Variants in SELP observed in about 807,000 individuals in gnomAD.
SELP encodes the protein P-selectin.
In SELP, 92 loss-of-function variants were observed where a neutral mutation model predicts 104.1. That is an observed-to-expected ratio of 0.88 (90% CI 0.75 to 1.05). SELP has a LOEUF of 1.05. SELP is among the 50% of genes least tolerant of loss of function. The pLI is 0.00. For missense variants in SELP, 1,022 were observed against 1,017.3 expected, an observed-to-expected ratio of 1.00 and a Z score of -0.06; for synonymous variants, 397 against 364.5, an observed-to-expected ratio of 1.09 and a Z score of -1.01.
In SELP at chr1:169,621,428, TTGTGTGTGTGTGTG is replaced by T. The variant is rs57079522; in HGVS notation, c.4-2223_4-2210del. ...GTAGGGTGCATGGGACAGTGTGAGG[TTGTGTGTGTGTGTG>T]TGTGTGTGTGTGTGTGTGTGTCACG... On this transcript the variant is annotated intron_variant, in intron 1 of 16. Transcript: ENST00000263686. 1.1e-3 allele frequency among the ~76,000 whole-genome samples: 144 copies of T among 130,776 alleles called. 2 individuals carry two copies. The highest frequency in any genetic ancestry group is 3.2e-3 in the Admixed American group (42 of 13,118). 85.8% of individuals were successfully genotyped at this position (130,776 alleles called of 152,430 possible).
chr1:169,590,627 G>A (rs1661313734), intron 15 of SELP, among the ~76,000 whole-genome samples: 1 of 152,160 alleles, frequency 6.6e-6, no homozygotes, highest in Non-Finnish European at 1.5e-5. Context: ...CAAGGGTGCT[G>A]GATGTCTACG....
At chr1:169,599,645 G>A (rs982814114) in intron 10 of SELP, among the ~76,000 whole-genome samples, 1 of 152,156 alleles carries the variant, frequency 6.6e-6, no homozygotes, top group African/African-American at 2.4e-5. Flanking sequence ...TTTCTGGAAA[G>A]AAGATATAGT....
At chr1:169,592,674 AAC>A (rs1381628322) in intron 14 of SELP, among the ~76,000 whole-genome samples, 1 of 152,200 alleles carries the variant, frequency 6.6e-6, no homozygotes, top group Non-Finnish European at 1.5e-5. Flanking sequence ...CAGTCTGATG[AAC>A]ACAGTTTCCC....
chr1:169,622,030 T>C (rs191321802), intron 1 of SELP, among the ~76,000 whole-genome samples: 3 of 152,366 alleles, frequency 2.0e-5, no homozygotes, highest in African/African-American at 7.2e-5. Flanking sequence ...AACTTTCACA[T>C]ATATACTTTC....
chr1:169,617,508 C>T (rs951702250), intron 2 of SELP, 94 bp from the exon 3 acceptor site: 67 of 1,291,214 alleles, frequency 5.2e-5, no homozygotes, highest in Middle Eastern at 3.8e-4. Context: ...GATGAATTTC[C>T]GACCAGAACA....
chr1:169,604,080 G>T (rs908606599), intron 9 of SELP, among the ~76,000 whole-genome samples: 14 of 152,092 alleles, frequency 9.2e-5, no homozygotes, highest in African/African-American at 3.1e-4. Context: ...GTGTAAAAGT[G>T]TTCCTATTTC....
chr1:169,619,046 T>C, intron 2 of SELP, 83 bp downstream of exon 2: 1 of 1,166,896 alleles, frequency 8.6e-7, no homozygotes, highest in Non-Finnish European at 1.2e-6. Context: ...ACCAACTGGC[T>C]ACAATCCTTA....
intron 12 of SELP, among the ~76,000 whole-genome samples, chr1:169,595,569 GA>G: frequency 6.6e-6 from 1 of 152,258 alleles, no homozygotes; most frequent in African/African-American, 2.4e-5. Flanking sequence ...AAATTATTAT[GA>G]AAATATGGAA....
Position 169,596,995 on chromosome 1 carries a change from G to T in SELP, c.1887C>A (p.Cys629Ter), listed in dbSNP as rs760827570. 6.2e-7 allele frequency: 1 copy of T among 1,610,264 alleles called. No homozygotes were observed. Among genetic ancestry groups the T allele is most frequent in the South Asian group, 1.1e-5 (1 of 90,820 alleles). ...TTAGCAAGTACATATTATTACCTTT[G>T]CAGGTTGGTGGAGTAGCTGACCATC... ...SGRWSATPPT[C>*]KGIASLPTPG... The change falls in exon 11 of 17, where the codon TGC (cysteine) becomes TGA (stop). Residue 629 changes from cysteine to a stop codon, truncating the protein, a stop_gained. Coordinates refer to ENST00000263686, the MANE Select transcript of SELP (RefSeq NM_003005.4). LOFTEE classifies it high-confidence loss of function.
intron 14 of SELP, among the ~76,000 whole-genome samples, chr1:169,592,928 C>T (rs182042240): frequency 6.6e-5 from 10 of 152,288 alleles, no homozygotes; most frequent in African/African-American, 2.4e-5. Context: ...TTCTACATGC[C>T]ATTTTCTCTG....
Position 169,606,995 on chromosome 1 carries a change from C to T in SELP, c.1473G>A (p.Gln491=). 1 of 1,613,834 alleles carries T rather than the reference C, an allele frequency of 6.2e-7. No individual in the cohort carries two copies. Among genetic ancestry groups the T allele is most frequent in the Non-Finnish European group, 8.5e-7 (1 of 1,179,858 alleles). Residue 491 remains glutamine, a synonymous_variant, in exon 9 of 17, where the codon CAG becomes CAA. Transcript: ENST00000263686. The part of the protein sequence containing the change: ...GLLLVGASVL[Q]CLATGNWNSV... ...AATTCCAGTTTCCAGTAGCCAAGCA[C>T]TGTAGCACACTTGCTCCCACCAGGA... is the stretch of plus-strand genomic sequence containing the variant.
At chr1:169,591,384 AG>A (rs1168237109) in intron 15 of SELP, 41 bp downstream of exon 15, 1 of 1,399,624 alleles carries the variant, frequency 7.1e-7, no homozygotes, top group East Asian at 2.3e-5. Context: ...TATAAAGTTA[AG>A]GTAGCAAAAT....
chr1:169,609,804 C>T (rs993266581), intron 7 of SELP, 115 bp from the exon 8 acceptor site: 7 of 950,164 alleles, frequency 7.4e-6, no homozygotes, highest in Non-Finnish European at 1.1e-5. Flanking sequence ...GTTCAGAACC[C>T]TAAAACCTCC....
At chr1:169,609,382 C>T in intron 8 of SELP, 122 bp downstream of exon 8, 3 of 955,098 alleles carry the variant, frequency 3.1e-6, no homozygotes, top group South Asian at 3.4e-5. Context: ...GCACAAAGGA[C>T]ATGGCCCATA....
chr1:169,601,108 A>G (rs1661889548), intron 10 of SELP, among the ~76,000 whole-genome samples: 1 of 152,242 alleles, frequency 6.6e-6, no homozygotes, highest in African/African-American at 2.4e-5. Flanking sequence ...AATATTCTTT[A>G]GCCTTAAAAT....
In SELP at chr1:169,609,312, A is replaced by G. The variant is rs376275707; in HGVS notation, c.1333+192T>C. Among the ~76,000 whole-genome samples the G allele has an allele frequency of 1.6e-3, 237 of 152,268 alleles. 6 individuals are homozygous for G. The South Asian group carries it at 0.019, about 13-fold the overall frequency. On this transcript the variant is annotated intron_variant, in intron 8 of 16. Transcript: ENST00000263686. ...GTGCAAACCTCACCTTGACTATACT[A>G]TAGTGGACATGTGCCTAAGACTGGC...
chr1:169,626,663 A>G (rs369034033), intron 1 of SELP, among the ~76,000 whole-genome samples: 2 of 152,246 alleles, frequency 1.3e-5, no homozygotes, highest in Non-Finnish European at 2.9e-5. Context: ...ACAGAGAAGT[A>G]TCATGAACAC....
At chr1:169,596,235 A>T in intron 11 of SELP, 101 bp from the exon 12 acceptor site, 10 of 1,012,992 alleles carry the variant, frequency 9.9e-6, no homozygotes, top group Non-Finnish European at 1.5e-5. Flanking sequence ...TCCCTTCATA[A>T]CAAGGGAGGC....
In SELP at chr1:169,596,048, C is replaced by T. The variant is rs867735567; in HGVS notation, c.1978G>A (p.Gly660Arg). 6.2e-7 allele frequency: 1 copy of T among 1,613,766 alleles called. No homozygotes were observed. The highest frequency in any genetic ancestry group is 1.3e-5 in the African/African-American group (1 of 74,862). ...QGTMYCRHHPGTFGFNTTCYF... is the reference protein window; with the variant it reads ...QGTMYCRHHPRTFGFNTTCYF... ...CAAGTGGTATTAAAACCAAAGGTTC[C>T]CGGATGATGCCTACAGTACATGGTT... The change falls in exon 12 of 17, where the codon GGA becomes AGA. Residue 660 changes from glycine (G) to arginine (R), a missense_variant. Gly to Arg is a moderately radical substitution (Grantham distance 125). Transcript: ENST00000263686.
Sources: gnomAD v4.1 joint callset for allele counts (sites outside exome capture counted in the v4.1 genomes callset) on GRCh38, gnomAD v4.1.1 for gene constraint, MANE v1.5 for transcripts, NCBI Gene and HGNC (gene_info 2026-07-23, HGNC 2026-07-21) for gene names.